The following CHAF1A variants were observed in gnomAD, a reference collection of about 807,000 sequenced individuals.
CHAF1A encodes the protein CAF-1 subunit A.
CHAF1A carries 5 observed loss-of-function variants against 93.2 expected under a neutral mutation model. The observed-to-expected ratio is 0.05, with a 90% CI of 0.03 to 0.11. The LOEUF is 0.11. Among genes scored for constraint, CHAF1A ranks in the 10% least tolerant of loss-of-function variants. CHAF1A has a pLI of 1.00. For synonymous variants in CHAF1A, 504 were observed against 510.3 expected (o/e 0.99, Z 0.17); for missense variants, 1,102 against 1,259.9 (o/e 0.87, Z 1.90).
chr19:4,418,682 T>G (rs1375082912), intron 4 of CHAF1A, among the ~76,000 whole-genome samples: 1 of 152,148 alleles, frequency 6.6e-6, no homozygotes, highest in Non-Finnish European at 1.5e-5. Flanking sequence ...CCCAGAGTGC[T>G]GGGATTACAG....
intron 13 of CHAF1A, among the ~76,000 whole-genome samples, chr19:4,442,043 C>T (rs1382236662): frequency 7.2e-5 from 11 of 152,174 alleles, no homozygotes; most frequent in African/African-American, 2.4e-4. Context: ...GAGGGAACCC[C>T]CAAGGTTCTC....
At chr19:4,429,059 C>A in intron 8 of CHAF1A, 169 bp downstream of exon 8, 1 of 610,438 alleles carries the variant, frequency 1.6e-6, no homozygotes, top group Non-Finnish European at 2.9e-6. Flanking sequence ...CCTGGCCTTC[C>A]TGTAAGCTCC....
chr19:4,430,072 G>A (rs992956921), intron 10 of CHAF1A: 4 of 436,434 alleles, frequency 9.2e-6, no homozygotes, highest in African/African-American at 6.1e-5. Flanking sequence ...CGGGCCTGCT[G>A]CACACCATTT....
At chr19:4,417,457 C>CT (rs397768061) in intron 3 of CHAF1A, among the ~76,000 whole-genome samples, 47,012 of 103,056 alleles carry the variant, frequency 0.46, 12,819 homozygotes, top group Non-Finnish European at 0.62. Flanking sequence ...CCAGCTGTCG[C>CT]TTTTTTTTTT....
rs1974430606 is a variant in CHAF1A, at chr19:4,443,238, T to A, written c.*213T>A. ...ATGAATCTGCCCTTTAATAAAGCAT[T>A]ATTGAGATTGCTGGCCTATTGGGGA... On this transcript the variant is annotated 3_prime_UTR_variant, in exon 15 of 15. Transcript: ENST00000301280. The A allele has an allele frequency of 3.6e-6, 2 of 550,388 alleles. No individual in the cohort carries two copies. The highest frequency in any genetic ancestry group is 6.6e-6 in the Non-Finnish European group (2 of 300,798). The allele number at this position is 550,388 out of a possible 1,614,324, so 34.1% of individuals were successfully genotyped here.
At chr19:4,420,995 G>A (rs1050644401) in intron 4 of CHAF1A, among the ~76,000 whole-genome samples, 5 of 152,162 alleles carry the variant, frequency 3.3e-5, no homozygotes, top group African/African-American at 9.7e-5. Context: ...AGCCCAGGAC[G>A]GAGGTTGCAG....
chr19:4,421,351 G>A (rs896836197), intron 4 of CHAF1A, among the ~76,000 whole-genome samples: 23 of 152,036 alleles, frequency 1.5e-4, no homozygotes, highest in African/African-American at 5.6e-4. Context: ...TGGGATTATA[G>A]GTGTGAGCCC....
downstream of CHAF1A, chr19:4,446,392 C>A: frequency 6.3e-7 from 1 of 1,578,390 alleles, no homozygotes; most frequent in Non-Finnish European, 8.6e-7. Context: ...GCAGCACGCT[C>A]AGCCGCTCCA....
At chr19:4,439,276 G>C (rs1022574140) in intron 13 of CHAF1A, among the ~76,000 whole-genome samples, 4 of 150,318 alleles carry the variant, frequency 2.7e-5, no homozygotes, top group African/African-American at 9.8e-5. Context: ...GCAAGTCTGC[G>C]TCTCAGAAAA....
In CHAF1A at chr19:4,409,706, C is replaced by G. The variant is rs775383164; in HGVS notation, c.907C>G (p.Pro303Ala). The G allele has an allele frequency of 4.0e-5, 65 of 1,614,016 alleles. No individual in the cohort carries two copies. Among genetic ancestry groups the G allele is most frequent in the Non-Finnish European group, 4.9e-5 (58 of 1,180,018 alleles). The change falls in exon 3 of 15, where the codon CCA becomes GCA. Residue 303 changes from proline to alanine, a missense_variant. Coordinates refer to ENST00000301280, the MANE Select transcript of CHAF1A (RefSeq NM_005483.3). ...TSSPEGPPAP[P>A]KQHSSTSPFP... ...CTCGCCCGAGGGGCCGCCTGCTCCC[C>G]CAAAGCAGCACAGCAGTACCAGTCC...
In CHAF1A at chr19:4,443,146, C is replaced by T; in HGVS notation, c.*121C>T. 1 of 737,266 alleles carries T rather than the reference C, an allele frequency of 1.4e-6. No homozygotes were observed. Among genetic ancestry groups the T allele is most frequent in the Non-Finnish European group, 2.5e-6 (1 of 406,508 alleles). 45.7% of individuals were successfully genotyped at this position (737,266 alleles called of 1,614,324 possible). A position where few individuals can be genotyped will look rare whatever the true frequency, so the allele number is the denominator to read the frequency against. On this transcript the variant is annotated 3_prime_UTR_variant, in exon 15 of 15. Coordinates refer to ENST00000301280, the MANE Select transcript of CHAF1A (RefSeq NM_005483.3). ...GCTTCACGGACCTCCCCAAAGTGTG[C>T]AGAGTTCTATATAGGATGCTGGATT...
At chr19:4,436,606 A>C (rs1426842022) in intron 13 of CHAF1A, among the ~76,000 whole-genome samples, 1 of 152,162 alleles carries the variant, frequency 6.6e-6, no homozygotes, top group Non-Finnish European at 1.5e-5. Context: ...TGGTTGTGTC[A>C]CTATGCAAGC....
chr19:4,405,884 G>T, intron 1 of CHAF1A, 28 bp from the exon 2 acceptor site: 1 of 1,606,894 alleles, frequency 6.2e-7, no homozygotes, highest in East Asian at 2.2e-5. Flanking sequence ...GAATTTAACA[G>T]TTTACCCTTT....
intron 3 of CHAF1A, among the ~76,000 whole-genome samples, chr19:4,417,155 G>GTT (rs1973909714): frequency 6.6e-6 from 1 of 152,074 alleles, no homozygotes; most frequent in Admixed American, 6.6e-5. Flanking sequence ...GCTTTTTTTA[G>GTT]AGACAGGGTC....
downstream of CHAF1A, among the ~76,000 whole-genome samples, chr19:4,444,111 A>G (rs1480337097): frequency 6.6e-6 from 1 of 152,170 alleles, no homozygotes; most frequent in Non-Finnish European, 1.5e-5. Context: ...GGCTCCCGAC[A>G]ACCCGGAATC....
At chr19:4,435,087 CTTTTTTT>C (rs869255408) in intron 13 of CHAF1A, among the ~76,000 whole-genome samples, 10 of 87,964 alleles carry the variant, frequency 1.1e-4, no homozygotes, top group Non-Finnish European at 1.6e-4. Context: ...CTTTTTTTTC[CTTTTTTT>C]TTTTTTTTTT....
intron 3 of CHAF1A, among the ~76,000 whole-genome samples, chr19:4,411,770 CTT>C (rs1490190028): frequency 1.2e-4 from 18 of 149,448 alleles, no homozygotes. Context: ...GCGTCAGCCT[CTT>C]GAGTAGCTGG....
At chr19:4,406,243 C>T (rs1207779963) in intron 2 of CHAF1A, among the ~76,000 whole-genome samples, 9 of 152,166 alleles carry the variant, frequency 5.9e-5, no homozygotes, top group Admixed American at 6.6e-5. Flanking sequence ...CTCTTCCCAC[C>T]GGATGCCAGT....
At chr19:4,411,582 A>G (rs1973798929) in intron 3 of CHAF1A, among the ~76,000 whole-genome samples, 1 of 130,474 alleles carries the variant, frequency 7.7e-6, no homozygotes, top group Non-Finnish European at 1.8e-5. Flanking sequence ...ACCTGAGAAG[A>G]TGAAAAAGGA....
Sources: allele counts gnomAD v4.1 joint callset (sites outside exome capture counted in the v4.1 genomes callset), GRCh38; gene constraint gnomAD v4.1.1; transcripts MANE v1.5; gene names NCBI Gene and HGNC (gene_info 2026-07-23, HGNC 2026-07-21).